Variants in SCEL observed in about 807,000 individuals in gnomAD.
SCEL encodes sciellin.
SCEL carries 113 observed loss-of-function variants against 117.6 expected under a neutral mutation model. The ratio of observed to expected loss-of-function variants is 0.96; its 90% CI spans 0.83 to 1.12. The LOEUF is 1.12. Ranked by LOEUF, SCEL falls within the 50% of genes most tolerant of loss-of-function variation. SCEL has a pLI of 0.00. For synonymous variants in SCEL, 270 were observed against 256.2 expected, an observed-to-expected ratio of 1.05 and a Z score of -0.51; for missense variants, 785 against 810.8, an observed-to-expected ratio of 0.97 and a Z score of 0.39.
chr13:77,616,218 C>T (rs543941664), intron 24 of SCEL, among the ~76,000 whole-genome samples: 1 of 151,904 alleles, frequency 6.6e-6, no homozygotes, highest in Admixed American at 6.6e-5. Context: ...GTTACTTACT[C>T]TTAATTATGC....
chr13:77,579,174 T>G (rs1362513030), intron 9 of SCEL, among the ~76,000 whole-genome samples: 1 of 152,184 alleles, frequency 6.6e-6, no homozygotes, highest in African/African-American at 2.4e-5. Context: ...GCTTTCATAC[T>G]CTAAGGTGTT....
chr13:77,633,854 TG>T (rs2090148835), intron 28 of SCEL, among the ~76,000 whole-genome samples: 1 of 152,250 alleles, frequency 6.6e-6, no homozygotes, highest in Non-Finnish European at 1.5e-5. Context: ...AATGTGTCAT[TG>T]TGTGACATCT....
At chr13:77,606,164 A>T (rs979320708) in intron 19 of SCEL, among the ~76,000 whole-genome samples, 1 of 152,146 alleles carries the variant, frequency 6.6e-6, no homozygotes, top group Non-Finnish European at 1.5e-5. Flanking sequence ...TCCCATGTAC[A>T]TGAGTGTGTG....
intron 1 of SCEL, among the ~76,000 whole-genome samples, chr13:77,537,571 A>G (rs1478596148): frequency 6.6e-6 from 1 of 152,176 alleles, no homozygotes; most frequent in East Asian, 1.9e-4. Flanking sequence ...TATTATATTT[A>G]TGAGATTTTC....
chr13:77,612,669 T>C (rs2088748513), intron 22 of SCEL, among the ~76,000 whole-genome samples: 1 of 151,802 alleles, frequency 6.6e-6, no homozygotes, highest in Non-Finnish European at 1.5e-5. Flanking sequence ...GCTTTGAGGT[T>C]AACGTGAAAG....
rs1555510777 is a variant in SCEL at position 77,593,295 on chromosome 13, T to TGC, written c.693-218_693-217insCG. 4.3e-3 allele frequency among the ~76,000 whole-genome samples: 584 copies of TGC among 136,866 alleles called. 11 individuals are homozygous for TGC. Among genetic ancestry groups the TGC allele is most frequent in the Non-Finnish European group, 6.1e-3 (380 of 62,534 alleles). The allele number at this position is 136,866 out of a possible 152,430, so 89.8% of individuals were successfully genotyped here. ...GTGTGTGTGTGTGTGTGTGTGTGTGTGTCTGTGTGTGTGTGTGTGTGTGTC... is the reference window on the plus strand; with the variant it reads ...GTGTGTGTGTGTGTGTGTGTGTGTGTGCGTCTGTGTGTGTGTGTGTGTGTGTC... On this transcript the variant is annotated intron_variant, in intron 11 of 32. Coordinates refer to ENST00000349847, the MANE Select transcript of SCEL (RefSeq NM_144777.3).
rs184414826 is a variant in SCEL at position 77,630,246 on chromosome 13, G to A, written c.1691+2237G>A. On this transcript the variant is annotated intron_variant, in intron 28 of 32. Transcript: ENST00000349847. The stretch of plus-strand genomic sequence containing the variant: ...GGGGTACTTTTTCTGAGACTCAACA[G>A]GAATAAGTTTAAATATTTTTATTTC... Among the ~76,000 whole-genome samples, 23 of 152,178 alleles carry A rather than the reference G, an allele frequency of 1.5e-4. No homozygotes were observed. The South Asian group carries it at 2.5e-3, about 16-fold the overall frequency.
chr13:77,604,379 T>C lies in SCEL; in HGVS notation c.1121T>C (p.Ile374Thr), dbSNP rs545679193. The change falls in exon 19 of 33, where the codon ATT becomes ACT. Residue 374 changes from isoleucine (I) to threonine (T), a missense_variant. Coordinates refer to ENST00000349847, the MANE Select transcript of SCEL (RefSeq NM_144777.3). ...AGAAAAAAAGACCTTGATGGGCTTA[T>C]TAAAGTGGATCCTGAAACAAATAAA... ...TTGKKDLDGL[I>T]KVDPETNKNI... is the part of the protein sequence containing the mutation. 10 of 1,578,430 alleles carry C rather than the reference T, an allele frequency of 6.3e-6. No individual in the cohort carries two copies. Among genetic ancestry groups the C allele is most frequent in the South Asian group, 1.2e-5 (1 of 84,038 alleles).
rs1056269817 is a variant in SCEL, at chr13:77,599,249, G to A, written c.798-80G>A. 5.2e-6 allele frequency: 5 copies of A among 960,110 alleles called. No individual in the cohort carries two copies. The South Asian group carries it at 8.1e-5, about 15-fold the overall frequency. The allele number at this position is 960,110 out of a possible 1,614,324, so 59.5% of individuals were successfully genotyped here. On this transcript the variant is annotated intron_variant, in intron 13 of 32. Coordinates refer to ENST00000349847, the MANE Select transcript of SCEL (RefSeq NM_144777.3). ...CAAGCTTCTGTTTCCTGTCTTAGAT[G>A]TAAACTGGTCTATGTTCTTATAGAG...
At chr13:77,622,231 C>G (rs1199316244) in intron 27 of SCEL, among the ~76,000 whole-genome samples, 2 of 152,086 alleles carry the variant, frequency 1.3e-5, no homozygotes, top group Non-Finnish European at 2.9e-5. Flanking sequence ...TCTATAAAAA[C>G]AATTTAAATG....
At chr13:77,628,807 G>A (rs763019888) in intron 28 of SCEL, among the ~76,000 whole-genome samples, 1 of 152,118 alleles carries the variant, frequency 6.6e-6, no homozygotes, top group Admixed American at 6.6e-5. Flanking sequence ...TCTCTAAAAG[G>A]TTCCTGAATC....
chr13:77,569,069 A>C (rs2085447982), intron 7 of SCEL, among the ~76,000 whole-genome samples: 1 of 152,250 alleles, frequency 6.6e-6, no homozygotes, highest in East Asian at 1.9e-4. Flanking sequence ...CACAGGAATA[A>C]AAGAAATGTG....
chr13:77,555,866 G>A lies in SCEL; in HGVS notation c.-10G>A. 1 of 1,611,088 alleles carries A rather than the reference G, an allele frequency of 6.2e-7. No homozygotes were observed. Among genetic ancestry groups the A allele is most frequent in the Non-Finnish European group, 8.5e-7 (1 of 1,177,466 alleles). The stretch of plus-strand genomic sequence containing the variant: ...CCCATTTTTCTTTTAGGTCCTTACT[G>A]GAAGGCAGCATGTCCAATGTTACCT... On this transcript the variant is annotated 5_prime_UTR_variant, in exon 2 of 33. Coordinates refer to ENST00000349847, the MANE Select transcript of SCEL (RefSeq NM_144777.3).
At chr13:77,552,521 C>T (rs577831362) in intron 1 of SCEL, among the ~76,000 whole-genome samples, 52 of 151,642 alleles carry the variant, frequency 3.4e-4, no homozygotes, top group African/African-American at 5.8e-4. Flanking sequence ...TCATGTCCTT[C>T]GCCCACTTTT....
In SCEL at chr13:77,634,903, T is replaced by C. The variant is rs565648865; in HGVS notation, c.1763+453T>C. On this transcript the variant is annotated intron_variant, in intron 29 of 32. Coordinates refer to ENST00000349847, the MANE Select transcript of SCEL (RefSeq NM_144777.3). ...AAGTTATGGGATATTGATGTTTCAA[T>C]TGAAATCTGCTGCTTGGAGTGATGG... is the stretch of plus-strand genomic sequence containing the variant. Among the ~76,000 whole-genome samples, 6 of 152,336 alleles carry C rather than the reference T, an allele frequency of 3.9e-5. No individual in the cohort carries two copies. The East Asian group carries it at 9.6e-4, about 24-fold the overall frequency.
intron 1 of SCEL, among the ~76,000 whole-genome samples, chr13:77,537,016 C>A (rs544229058): frequency 1.3e-5 from 2 of 152,132 alleles, no homozygotes; most frequent in African/African-American, 2.4e-5. Context: ...TAGTTTATAA[C>A]GTAGATAAAG....
chr13:77,545,376 G>T (rs1445476815), intron 1 of SCEL, among the ~76,000 whole-genome samples: 1 of 152,098 alleles, frequency 6.6e-6, no homozygotes, highest in African/African-American at 2.4e-5. Flanking sequence ...TTCCTTTAAA[G>T]AATTACAAAA....
At chr13:77,622,294 C>T (rs1336187312) in intron 27 of SCEL, among the ~76,000 whole-genome samples, 2 of 152,138 alleles carry the variant, frequency 1.3e-5, no homozygotes, top group Non-Finnish European at 2.9e-5. Context: ...CTCCCACACC[C>T]ACATGAGAAA....
intron 1 of SCEL, among the ~76,000 whole-genome samples, chr13:77,545,598 G>A (rs1457207243): frequency 6.6e-6 from 1 of 152,224 alleles, no homozygotes; most frequent in East Asian, 1.9e-4. Context: ...TAAAATGTCT[G>A]CGGAAGTAGA....
Sources: allele counts gnomAD v4.1 joint callset (sites outside exome capture counted in the v4.1 genomes callset), GRCh38; gene constraint gnomAD v4.1.1; transcripts MANE v1.5; gene names NCBI Gene and HGNC (gene_info 2026-07-23, HGNC 2026-07-21).